The following PCDHGA2 variants were observed in gnomAD, a reference collection of about 807,000 sequenced individuals.
PCDHGA2 encodes protocadherin gamma-A2.
In PCDHGA2, 40 loss-of-function variants were observed where a neutral mutation model predicts 59.2. The ratio of observed to expected loss-of-function variants is 0.68; its 90% CI spans 0.52 to 0.88. The LOEUF (loss-of-function observed/expected upper bound fraction) is 0.88. Among genes scored for constraint, PCDHGA2 ranks in the 40% least tolerant of loss-of-function variants. The probability of loss-of-function intolerance (pLI) is 0.00; values close to 1 mark genes in which losing one functional copy is unlikely to be tolerated. For synonymous variants in PCDHGA2, 560 were observed against 526.0 expected, an observed-to-expected ratio of 1.06 and a Z score of -0.89; for missense variants, 1,226 against 1,204.0, an observed-to-expected ratio of 1.02 and a Z score of -0.27.
At position 141,421,474 on chromosome 5, in the gene PCDHGA2, G is replaced by C. The variant is rs1320526226; in HGVS notation, c.2425-73333G>C. 4 of 1,614,132 alleles carry C rather than the reference G, an allele frequency of 2.5e-6. No homozygotes were observed. The African/African-American group carries it at 5.3e-5, about 21-fold the overall frequency. On this transcript the variant is annotated intron_variant, in intron 1 of 3. Coordinates refer to ENST00000394576, the MANE Select transcript of PCDHGA2 (RefSeq NM_018915.4). ...GCTTTTCGCTGTGAATCCGCGAAGCGGCAGCTTGATCACGGCAGGCAGGAT... is the reference window on the plus strand; with the variant it reads ...GCTTTTCGCTGTGAATCCGCGAAGCCGCAGCTTGATCACGGCAGGCAGGAT...
At chr5:141,413,132 A>G in intron 1 of PCDHGA2, 1 of 1,542,144 alleles carries the variant, frequency 6.5e-7, no homozygotes, top group Non-Finnish European at 8.7e-7. Context: ...GAAACACACA[A>G]CGTGTCCAGT....
At chr5:141,351,775 G>C (rs757269142) in intron 1 of PCDHGA2, 8 of 1,613,356 alleles carry the variant, frequency 5.0e-6, no homozygotes, top group Non-Finnish European at 6.8e-6. Context: ...CCGTGAGCCC[G>C]CAGAGCGGGG....
At position 141,476,453 on chromosome 5, in the gene PCDHGA2, G is replaced by A. The variant is rs1432113874; in HGVS notation, c.2425-18354G>A. 3 of 1,614,138 alleles carry A rather than the reference G, an allele frequency of 1.9e-6. No individual in the cohort carries two copies. The East Asian group carries it at 6.7e-5, about 36-fold the overall frequency. ...CACTGTAACTCTGGAGTTGGTAGTG[G>A]AGAACCCGCTGGAGCTGTTCAGCGT... On this transcript the variant is annotated intron_variant, in intron 1 of 3. Transcript: ENST00000394576. The surrounding 1 kb of genome is among the most constrained non-coding windows in gnomAD (Gnocchi z 7.6).
chr5:141,465,629 C>A (rs1048373153), intron 1 of PCDHGA2, among the ~76,000 whole-genome samples: 1 of 152,204 alleles, frequency 6.6e-6, no homozygotes, highest in Non-Finnish European at 1.5e-5. Flanking sequence ...AGTCAACCAG[C>A]AAAATGCTTT....
intron 1 of PCDHGA2, chr5:141,344,101 T>A (rs1561487104): frequency 1.2e-6 from 2 of 1,613,816 alleles, no homozygotes; most frequent in South Asian, 1.1e-5. Context: ...CTGGGGACGC[T>A]GTGCGAAACA....
At chr5:141,374,994 C>A in intron 1 of PCDHGA2, 2 of 1,614,038 alleles carry the variant, frequency 1.2e-6, no homozygotes, top group Non-Finnish European at 1.7e-6. Flanking sequence ...ATTTCAACTT[C>A]TGCAAATCTA....
At position 141,384,238 on chromosome 5, in the gene PCDHGA2, G is replaced by A. The variant is rs1779876859; in HGVS notation, c.2424+42843G>A. ...ATTCATGCAGGTGGCAGACACCAAC[G>A]ATAACCCACCCACCTTCCCCCACTC... On this transcript the variant is annotated intron_variant, in intron 1 of 3. Coordinates refer to ENST00000394576, the MANE Select transcript of PCDHGA2 (RefSeq NM_018915.4). 1 of 1,613,838 alleles carries A rather than the reference G, an allele frequency of 6.2e-7. No individual in the cohort carries two copies. Among genetic ancestry groups the A allele is most frequent in the Non-Finnish European group, 8.5e-7 (1 of 1,179,886 alleles).
Position 141,340,682 on chromosome 5 carries a change from G to T in PCDHGA2, c.1711G>T (p.Gly571Cys), listed in dbSNP as rs147953582. 8 of 1,614,210 alleles carry T rather than the reference G, an allele frequency of 5.0e-6. No homozygotes were observed. The highest frequency in any genetic ancestry group is 5.9e-6 in the Non-Finnish European group (7 of 1,180,048). The change falls in exon 1 of 4, where the codon GGT becomes TGT. Residue 571 changes from glycine (G) to cysteine (C), a missense_variant. Transcript: ENST00000394576. The part of the protein sequence containing the change: ...EILYPAFPTD[G>C]STGVELAPRS... The stretch of plus-strand genomic sequence containing the variant: ...CCTGTACCCTGCCTTCCCCACAGAC[G>T]GTTCCACTGGCGTGGAGCTGGCGCC...
At chr5:141,428,448 T>C in intron 1 of PCDHGA2, 12 of 375,612 alleles carry the variant, frequency 3.2e-5, no homozygotes, top group South Asian at 2.4e-4. Flanking sequence ...CAGGGGTTTT[T>C]CCCAACTACA....
intron 1 of PCDHGA2, chr5:141,414,177 T>G (rs370827396): frequency 1.7e-5 from 28 of 1,607,906 alleles, no homozygotes; most frequent in Non-Finnish European, 2.2e-5. Flanking sequence ...ATCTTGCAAC[T>G]GCAAAAGTGT....
At chr5:141,455,537 A>G (rs1158681837) in intron 1 of PCDHGA2, among the ~76,000 whole-genome samples, 2 of 152,162 alleles carry the variant, frequency 1.3e-5, no homozygotes, top group Non-Finnish European at 2.9e-5. Flanking sequence ...CAGGCATATC[A>G]TTCACGTAGC....
At chr5:141,357,413 C>T (rs374712311) in intron 1 of PCDHGA2, 2 of 1,614,250 alleles carry the variant, frequency 1.2e-6, no homozygotes, top group East Asian at 2.2e-5. Context: ...GTGCCTGCCT[C>T]GCACTTTGTG....
At chr5:141,352,444 C>G (rs562202552) in intron 1 of PCDHGA2, 1 of 1,614,062 alleles carries the variant, frequency 6.2e-7, no homozygotes, top group South Asian at 1.1e-5. Flanking sequence ...CCGGTCTCTG[C>G]TCCAAGTCTG....
intron 1 of PCDHGA2, chr5:141,350,393 G>C (rs551145874): frequency 3.1e-6 from 5 of 1,599,084 alleles, no homozygotes; most frequent in Middle Eastern, 1.7e-4. Flanking sequence ...CGGCTCACGG[G>C]TGGGGAAACT....
chr5:141,359,518 C>A (rs1386838836), intron 1 of PCDHGA2, among the ~76,000 whole-genome samples: 1 of 149,410 alleles, frequency 6.7e-6, no homozygotes, highest in African/African-American at 2.5e-5. Flanking sequence ...ATATTATGGG[C>A]CACTAGATAA....
intron 1 of PCDHGA2, chr5:141,399,528 C>A: frequency 6.2e-7 from 1 of 1,614,046 alleles, no homozygotes; most frequent in Non-Finnish European, 8.5e-7. Flanking sequence ...GGGCCTCCAT[C>A]GCGCAAGTCT....
rs17097297 is a variant in PCDHGA2 at position 141,426,366 on chromosome 5, G to C, written c.2425-68441G>C. 737 of 204,832 alleles carry C rather than the reference G, an allele frequency of 3.6e-3. 4 individuals are homozygous for C. The highest frequency in any genetic ancestry group is 0.015 in the African/African-American group (666 of 43,954). 12.7% of individuals were successfully genotyped at this position (204,832 alleles called of 1,614,324 possible). Reference sequence around the variant, plus strand: ...CTTTCCTGCTGCCTTTGTTCTGCGGGGCACCCTCGGAGCAGATCCGCTACT... The same window carrying C: ...CTTTCCTGCTGCCTTTGTTCTGCGGCGCACCCTCGGAGCAGATCCGCTACT... On this transcript the variant is annotated intron_variant, in intron 1 of 3. Transcript: ENST00000394576.
chr5:141,423,058 A>G (rs1235938743), intron 1 of PCDHGA2: 3 of 1,614,022 alleles, frequency 1.9e-6, no homozygotes, highest in African/African-American at 2.7e-5. Flanking sequence ...TCGCCTGCTT[A>G]AGGCCAGCGA....
chr5:141,372,210 T>C lies in PCDHGA2; in HGVS notation c.2424+30815T>C, dbSNP rs763593596. ...CTCGGGATACAACGCCTGGCTGTCC[T>C]ACCACATTGTGCAGGCCAGCGAGCC... On this transcript the variant is annotated intron_variant, in intron 1 of 3. Transcript: ENST00000394576. The C allele has an allele frequency of 2.0e-5, 33 of 1,613,456 alleles. No homozygotes were observed. In the South Asian group the frequency reaches 2.9e-4, roughly 14 times the overall value.
Sources: gnomAD v4.1 joint callset for allele counts (sites outside exome capture counted in the v4.1 genomes callset) on GRCh38, gnomAD v4.1.1 for gene constraint, Gnocchi (gnomAD v3.1) non-coding constraint, MANE v1.5 for transcripts, NCBI Gene and HGNC (gene_info 2026-07-23, HGNC 2026-07-21) for gene names.